Variants in DNAAF9 observed in about 807,000 individuals in gnomAD.
The protein encoded by DNAAF9 is shulin.
In DNAAF9, 90 loss-of-function variants were observed where a neutral mutation model predicts 167.0. The ratio of observed to expected loss-of-function variants is 0.54; its 90% confidence interval spans 0.45 to 0.64. The LOEUF (loss-of-function observed/expected upper bound fraction) is 0.64, where lower values mean the gene tolerates loss of function less well. Among genes scored for constraint, DNAAF9 ranks in the 30% least tolerant of loss-of-function variants. The pLI is 0.00. For synonymous variants in DNAAF9, 491 were observed against 508.8 expected, an observed-to-expected ratio of 0.96 and a Z score of 0.47; for missense variants, 1,315 against 1,442.2, an observed-to-expected ratio of 0.91 and a Z score of 1.43.
chr20:3,397,468 G>A (rs1467162212), intron 1 of DNAAF9, among the ~76,000 whole-genome samples: 1 of 152,064 alleles, frequency 6.6e-6, no homozygotes, highest in Non-Finnish European at 1.5e-5. Context: ...ACACGCACCT[G>A]CCACTAAGCC....
chr20:3,297,388 A>C (rs1053406929), intron 22 of DNAAF9, among the ~76,000 whole-genome samples: 1 of 152,156 alleles, frequency 6.6e-6, no homozygotes, highest in African/African-American at 2.4e-5. Flanking sequence ...GAAGACACAG[A>C]CTGGGCTGAG....
intron 28 of DNAAF9, among the ~76,000 whole-genome samples, chr20:3,280,242 T>TG (rs1292997091): frequency 1.3e-5 from 2 of 152,172 alleles, no homozygotes; most frequent in Non-Finnish European, 2.9e-5. Context: ...CACAGAAGGC[T>TG]GCCACACAGT....
At chr20:3,299,789 A>C (rs770898655) in intron 21 of DNAAF9, among the ~76,000 whole-genome samples, 3 of 152,220 alleles carry the variant, frequency 2.0e-5, no homozygotes, top group Non-Finnish European at 4.4e-5. Flanking sequence ...CTTCATAGTG[A>C]GTTTTGAAAT....
At chr20:3,338,133 T>C (rs924471248) in intron 10 of DNAAF9, among the ~76,000 whole-genome samples, 2 of 151,242 alleles carry the variant, frequency 1.3e-5, no homozygotes, top group South Asian at 2.1e-4. Flanking sequence ...ACACTTAACA[T>C]TTCTTACAGG....
intron 30 of DNAAF9, among the ~76,000 whole-genome samples, chr20:3,269,977 CA>C (rs1422482922): frequency 6.6e-6 from 1 of 150,824 alleles, no homozygotes; most frequent in Non-Finnish European, 1.5e-5. Flanking sequence ...AAAAACACTT[CA>C]AAAACTGTTT....
intron 26 of DNAAF9, among the ~76,000 whole-genome samples, chr20:3,289,381 T>A (rs1227035704): frequency 6.6e-6 from 1 of 152,094 alleles, no homozygotes; most frequent in Non-Finnish European, 1.5e-5. Context: ...GAGTTTGAGG[T>A]TACAGGTGAA....
Position 3,407,507 on chromosome 20 carries a change from A to G in DNAAF9, c.51T>C (p.Pro17=). 1 of 1,279,276 alleles carries G rather than the reference A, an allele frequency of 7.8e-7. No individual in the cohort carries two copies. Among genetic ancestry groups the G allele is most frequent in the Non-Finnish European group, 9.8e-7 (1 of 1,017,208 alleles). 79.2% of individuals were successfully genotyped at this position (1,279,276 alleles called of 1,614,324 possible). ...AGGGTGACCCGCGGCTGGAGCCGCC[A>G]GGGGACCGAGCGCGGGGCAGCCCCT... ...RRQGLPRARS[P]GGSSRGSPSV... is the part of the protein sequence containing the mutation. The change falls in exon 1 of 37, where the codon CCT becomes CCC. Residue 17 remains proline, a synonymous_variant. Transcript: ENST00000252032.
At chr20:3,339,001 A>G (rs904503087) in intron 10 of DNAAF9, among the ~76,000 whole-genome samples, 2 of 150,284 alleles carry the variant, frequency 1.3e-5, no homozygotes, top group African/African-American at 4.9e-5. Flanking sequence ...TTCTCTTCAC[A>G]CTCCTGTTCG....
At chr20:3,253,933 G>T (rs2068235008) in intron 35 of DNAAF9, 114 bp from the exon 36 acceptor site, 2 of 663,600 alleles carry the variant, frequency 3.0e-6, no homozygotes, top group Non-Finnish European at 5.3e-6. Context: ...GCTATACAGA[G>T]GAGCTAGGAA....
chr20:3,381,348 T>C (rs774745545), intron 3 of DNAAF9, 31 bp downstream of exon 3: 23 of 1,556,716 alleles, frequency 1.5e-5, no homozygotes, highest in Non-Finnish European at 4.4e-6. Flanking sequence ...CTTACTCTTC[T>C]ATCACACAGA....
intron 25 of DNAAF9, among the ~76,000 whole-genome samples, chr20:3,293,716 T>C (rs995267999): frequency 1.3e-5 from 2 of 148,438 alleles, no homozygotes; most frequent in Non-Finnish European, 3.0e-5. Flanking sequence ...ATAGTGTTTA[T>C]AAAGTATCAC....
At chr20:3,343,934 A>G (rs2070139570) in intron 8 of DNAAF9, among the ~76,000 whole-genome samples, 1 of 152,156 alleles carries the variant, frequency 6.6e-6, no homozygotes, top group Admixed American at 6.6e-5. Context: ...TTATAAGAAC[A>G]TGGAAAGATG....
chr20:3,407,645 G>T lies in DNAAF9; in HGVS notation c.-88C>A. On this transcript the variant is annotated 5_prime_UTR_variant, in exon 1 of 37. Transcript: ENST00000252032. ...GGCGGCTCCACGCTAGCTGCGGCCG[G>T]GCGGGGCGGCAGGGCGTGCCGGGTG... The T allele has an allele frequency of 8.7e-7, 1 of 1,146,890 alleles. No individual in the cohort carries two copies. Among genetic ancestry groups the T allele is most frequent in the Non-Finnish European group, 1.1e-6 (1 of 933,740 alleles). The allele number at this position is 1,146,890 out of a possible 1,614,324, so 71.0% of individuals were successfully genotyped here. A position where few individuals can be genotyped will look rare whatever the true frequency, so the allele number is the denominator to read the frequency against.
At chr20:3,286,105 C>T (rs1359982540) in intron 27 of DNAAF9, among the ~76,000 whole-genome samples, 1 of 152,238 alleles carries the variant, frequency 6.6e-6, no homozygotes, top group African/African-American at 2.4e-5. Context: ...AGGCCCAGCC[C>T]CAAGATGATG....
rs148023287 is a variant in DNAAF9 at position 3,349,192 on chromosome 20, C to CAAAAAAAAAAA, written c.691-580_691-570dup. Among the ~76,000 whole-genome samples, 11 of 39,104 alleles carry CAAAAAAAAAAA rather than the reference C, an allele frequency of 2.8e-4. 2 individuals are homozygous for CAAAAAAAAAAA. Among genetic ancestry groups the CAAAAAAAAAAA allele is most frequent in the East Asian group, 8.0e-4 (1 of 1,254 alleles). 25.7% of individuals were successfully genotyped at this position (39,104 alleles called of 152,430 possible). A position where few individuals can be genotyped will look rare whatever the true frequency, so the allele number is the denominator to read the frequency against. On this transcript the variant is annotated intron_variant, in intron 7 of 36. Coordinates refer to ENST00000252032, the MANE Select transcript of DNAAF9 (RefSeq NM_001009984.3). ...CAACATGATGAGACCTCGTCTCTAC[C>CAAAAAAAAAAA]AAAAAAAAAAACAAAAAAAAAAAAA... is the stretch of plus-strand genomic sequence containing the variant.
At chr20:3,258,068 A>G (rs7260815) in intron 33 of DNAAF9, among the ~76,000 whole-genome samples, 3 of 90,578 alleles carry the variant, frequency 3.3e-5, no homozygotes, top group Admixed American at 2.9e-4. Context: ...GTTTCACCAT[A>G]TTGGCCAGGC....
At chr20:3,295,476 AC>A (rs1348420250) in intron 23 of DNAAF9, 2 of 246,240 alleles carry the variant, frequency 8.1e-6, no homozygotes, top group Non-Finnish European at 1.5e-5. Flanking sequence ...ACTGCGCCTG[AC>A]CTTTTTTTTT....
At chr20:3,311,923 G>T (rs1331879020) in intron 20 of DNAAF9, among the ~76,000 whole-genome samples, 1 of 152,082 alleles carries the variant, frequency 6.6e-6, no homozygotes, top group Non-Finnish European at 1.5e-5. Flanking sequence ...ACTAACTGGT[G>T]AAGAGAAACA....
chr20:3,395,828 T>C (rs977454159), intron 1 of DNAAF9, among the ~76,000 whole-genome samples: 37 of 152,296 alleles, frequency 2.4e-4, no homozygotes, highest in African/African-American at 8.7e-4. Flanking sequence ...GCAGTTTTTG[T>C]TTCTATTTTG....
Sources: gnomAD v4.1 joint callset for allele counts (sites outside exome capture counted in the v4.1 genomes callset) on GRCh38, gnomAD v4.1.1 for gene constraint, MANE v1.5 for transcripts, NCBI Gene and HGNC (gene_info 2026-07-23, HGNC 2026-07-21) for gene names.